SNX14: variants seen among roughly 807,000 people sequenced by gnomAD.
SNX14 encodes sorting nexin 14, also known as sorting nexin-14.
In SNX14, 93 loss-of-function variants were observed where a neutral mutation model predicts 133.8. That is an observed-to-expected ratio of 0.70 (90% CI 0.59 to 0.83). SNX14 has a LOEUF of 0.83. Ranked by LOEUF, SNX14 falls within the 40% of genes least tolerant of loss-of-function variation. The pLI is 0.00. For synonymous variants in SNX14, 368 were observed against 365.6 expected, an observed-to-expected ratio of 1.01 and a Z score of -0.07; for missense variants, 945 against 1,094.9, an observed-to-expected ratio of 0.86 and a Z score of 1.93.
chr6:85,583,562 T>C (rs1799714773), intron 1 of SNX14, among the ~76,000 whole-genome samples: 1 of 152,178 alleles, frequency 6.6e-6, no homozygotes, highest in South Asian at 2.1e-4. Context: ...AGTCTCAGGA[T>C]ACAAAATCAA....
chr6:85,579,225 A>G (rs1798292801), intron 1 of SNX14, among the ~76,000 whole-genome samples: 1 of 152,208 alleles, frequency 6.6e-6, no homozygotes. Flanking sequence ...CCAACCCCAA[A>G]GAAGACAAGA....
chr6:85,549,220 T>C (rs971746594), intron 8 of SNX14, among the ~76,000 whole-genome samples: 2 of 152,034 alleles, frequency 1.3e-5, no homozygotes, highest in African/African-American at 4.8e-5. Context: ...CCATGGTTAC[T>C]CCTCTAAGGG....
intron 8 of SNX14, among the ~76,000 whole-genome samples, chr6:85,549,014 A>C (rs895930493): frequency 6.6e-6 from 1 of 151,612 alleles, no homozygotes; most frequent in Non-Finnish European, 1.5e-5. Context: ...CTTTCTATCT[A>C]AGAATACTTA....
At chr6:85,526,279 TAG>T (rs772784440) in intron 20 of SNX14, 42 bp from the exon 21 acceptor site, 2 of 1,198,862 alleles carry the variant, frequency 1.7e-6, no homozygotes, top group Admixed American at 4.5e-5. Flanking sequence ...TTTAGAAATC[TAG>T]AGGAGTAGTC....
chr6:85,550,479 T>G (rs972826911), intron 7 of SNX14, among the ~76,000 whole-genome samples: 8 of 152,138 alleles, frequency 5.3e-5, no homozygotes, highest in African/African-American at 1.9e-4. Flanking sequence ...AAAAACTATC[T>G]TACTCAAAAT....
Position 85,593,708 on chromosome 6 carries a change from C to T in SNX14, c.11G>A (p.Trp4Ter). 1 of 1,613,702 alleles carries T rather than the reference C, an allele frequency of 6.2e-7. No individual in the cohort carries two copies. Among genetic ancestry groups the T allele is most frequent in the Non-Finnish European group, 8.5e-7 (1 of 1,179,940 alleles). ...CAGCTTCTGCCCCATCGTCCGCACC[C>T]AGGGCACCATCTCCGTAACGGCGAG... MVP[W>*]VRTMGQKLKQ... is the part of the protein sequence containing the mutation. The change falls in exon 1 of 29, where the codon TGG (tryptophan) becomes TAG (stop). Residue 4 changes from tryptophan (W) to a stop codon, truncating the protein, a stop_gained. Coordinates refer to ENST00000314673, the MANE Select transcript of SNX14 (RefSeq NM_153816.6). LOFTEE classifies it high-confidence loss of function.
intron 1 of SNX14, among the ~76,000 whole-genome samples, chr6:85,579,489 T>C (rs1422420430): frequency 1.3e-5 from 2 of 152,222 alleles, no homozygotes; most frequent in East Asian, 3.8e-4. Context: ...TAACTTCATA[T>C]TGCTGAAAGA....
chr6:85,573,554 A>G (rs551368989), intron 2 of SNX14, among the ~76,000 whole-genome samples: 1 of 152,194 alleles, frequency 6.6e-6, no homozygotes, highest in African/African-American at 2.4e-5. Flanking sequence ...CTTTACAGAG[A>G]TAGACTCACC....
intron 15 of SNX14, 98 bp downstream of exon 15, chr6:85,541,887 G>A (rs1783870537): frequency 2.4e-6 from 2 of 826,680 alleles, no homozygotes; most frequent in African/African-American, 1.8e-5. Flanking sequence ...TATAACAATG[G>A]AACCACATAT....
At chr6:85,518,153 A>C in intron 21 of SNX14, 105 bp from the exon 22 acceptor site, 1 of 893,806 alleles carries the variant, frequency 1.1e-6, no homozygotes, top group African/African-American at 1.7e-5. Context: ...AGCCAAGTTA[A>C]AACTGTAAAA....
intron 21 of SNX14, among the ~76,000 whole-genome samples, chr6:85,519,643 G>T (rs1776162003): frequency 6.6e-6 from 1 of 152,204 alleles, no homozygotes; most frequent in Non-Finnish European, 1.5e-5. Context: ...GGCCGAGGCG[G>T]GCGGATCCCG....
At chr6:85,511,273 C>A (rs1248017414) in intron 26 of SNX14, among the ~76,000 whole-genome samples, 2 of 152,156 alleles carry the variant, frequency 1.3e-5, no homozygotes, top group Non-Finnish European at 2.9e-5. Context: ...TTATATCCTA[C>A]CACCCTGGTA....
intron 26 of SNX14, among the ~76,000 whole-genome samples, chr6:85,509,743 C>A (rs569676078): frequency 3.9e-5 from 6 of 152,214 alleles, no homozygotes; most frequent in Admixed American, 1.3e-4. Context: ...TGGGTCTGGA[C>A]AAATAGATGA....
At chr6:85,561,812 C>T (rs182245804) in intron 6 of SNX14, among the ~76,000 whole-genome samples, 12 of 151,062 alleles carry the variant, frequency 7.9e-5, no homozygotes, top group Admixed American at 2.0e-4. Context: ...GTTCATTTGC[C>T]TGTTTCTTTT....
chr6:85,543,280 C>A lies in SNX14; in HGVS notation c.1291G>T (p.Val431Leu). 1 of 1,592,652 alleles carries A rather than the reference C, an allele frequency of 6.3e-7. No homozygotes were observed. Among genetic ancestry groups the A allele is most frequent in the Non-Finnish European group, 8.5e-7 (1 of 1,172,522 alleles). Residue 431 changes from valine to leucine, a missense_variant, in exon 14 of 29, where the codon GTG becomes TTG. This residue lies in a region of SNX14 where 514 missense variants were observed against 538.8 expected (regional missense o/e 0.95). Transcript: ENST00000314673. The stretch of plus-strand genomic sequence containing the variant: ...AGACATCTCATAGTTTGAAGTTTCA[C>A]AACATCTATGTATGGGCCTTCAGCA... ...RIAEGPYIDV[V>L]KLQTMRCLFE... is the part of the protein sequence containing the mutation.
At chr6:85,552,304 G>A (rs1788114471) in intron 7 of SNX14, among the ~76,000 whole-genome samples, 1 of 151,972 alleles carries the variant, frequency 6.6e-6, no homozygotes, top group South Asian at 2.1e-4. Context: ...CCAAAGTGCT[G>A]GGGGAATCTT....
chr6:85,547,210 A>G lies in SNX14; in HGVS notation c.1010T>C (p.Leu337Ser). The change falls in exon 12 of 29, where the codon TTG becomes TCG. Residue 337 changes from leucine (L) to serine (S), a missense_variant. By Grantham distance (145) the Leu-to-Ser change is moderately radical. This residue lies in a region of SNX14 where 514 missense variants were observed against 538.8 expected (regional missense o/e 0.95). Coordinates refer to ENST00000314673, the MANE Select transcript of SNX14 (RefSeq NM_153816.6). ...NKKPSVLKLELKQIREQQDLL... is the reference protein window; with the variant it reads ...NKKPSVLKLESKQIREQQDLL... ...ATCTTGTTGCTCTCTGATTTGCTTCAATTCTAACTTCAGCACCTTGATATA... is the reference window on the plus strand; with the variant it reads ...ATCTTGTTGCTCTCTGATTTGCTTCGATTCTAACTTCAGCACCTTGATATA... The G allele has an allele frequency of 1.2e-6, 2 of 1,614,086 alleles. No individual in the cohort carries two copies. The highest frequency in any genetic ancestry group is 1.7e-6 in the Non-Finnish European group (2 of 1,179,986).
chr6:85,581,119 CA>C (rs1388062099), intron 1 of SNX14: 1 of 152,414 alleles, frequency 6.6e-6, no homozygotes, highest in Non-Finnish European at 1.5e-5. Flanking sequence ...ACCCCTCCCC[CA>C]GCTCCAGGAA....
chr6:85,576,526 A>C (rs1018354848), intron 1 of SNX14, among the ~76,000 whole-genome samples: 4 of 152,244 alleles, frequency 2.6e-5, no homozygotes, highest in Admixed American at 1.3e-4. Flanking sequence ...CTGACAGAGT[A>C]AACTGCATGA....
Sources: allele counts gnomAD v4.1 joint callset (sites outside exome capture counted in the v4.1 genomes callset), GRCh38; gene constraint gnomAD v4.1.1; regional missense constraint gnomAD v4.1.1; transcripts MANE v1.5; gene names NCBI Gene and HGNC (gene_info 2026-07-23, HGNC 2026-07-21).